Variants in JPH3 observed in about 807,000 individuals in gnomAD.
JPH3 encodes the protein junctophilin 3.
JPH3 carries 11 observed loss-of-function variants against 59.6 expected under a neutral mutation model. The observed-to-expected ratio is 0.18, with a 90% CI of 0.12 to 0.31. The LOEUF (loss-of-function observed/expected upper bound fraction) is 0.31, where lower values mean the gene tolerates loss of function less well. Among genes scored for constraint, JPH3 ranks in the 10% least tolerant of loss-of-function variants. JPH3 has a pLI of 1.00. For synonymous variants in JPH3, 673 were observed against 483.6 expected, an observed-to-expected ratio of 1.39 and a Z score of -5.14; for missense variants, 1,202 against 1,105.7, an observed-to-expected ratio of 1.09 and a Z score of -1.24.
rs1411468082 is a variant in JPH3 at position 87,684,129 on chromosome 16, C to A, written c.1161-13C>A. 1.2e-6 allele frequency: 2 copies of A among 1,612,318 alleles called. No individual in the cohort carries two copies. The highest frequency in any genetic ancestry group is 3.3e-5 in the Admixed American group (2 of 59,972). Reference sequence around the variant, plus strand: ...CCCCTGCCCCCCCTCACGCTCCTCCCTGTCTCCCCCAGGACCTCCCACTCT... The same window carrying A: ...CCCCTGCCCCCCCTCACGCTCCTCCATGTCTCCCCCAGGACCTCCCACTCT... On this transcript the variant is annotated splice_polypyrimidine_tract_variant and intron_variant, in intron 2 of 4. Coordinates refer to ENST00000284262, the MANE Select transcript of JPH3 (RefSeq NM_020655.4).
chr16:87,611,560 C>T lies in JPH3; in HGVS notation c.382+8032C>T, dbSNP rs1052739798. 2.0e-5 allele frequency among the ~76,000 whole-genome samples: 3 copies of T among 152,120 alleles called. No individual in the cohort carries two copies. The highest frequency in any genetic ancestry group is 4.4e-5 in the Non-Finnish European group (3 of 68,018). On this transcript the variant is annotated intron_variant, in intron 1 of 4. Coordinates refer to ENST00000284262, the MANE Select transcript of JPH3 (RefSeq NM_020655.4). The surrounding 1 kb of genome is among the most constrained non-coding windows in gnomAD (Gnocchi z 4.5). ...TGGACCCAGGGAAGGCTCGCTGGTG[C>T]AAATGCTTTCCAAAAACACCGAGAG...
chr16:87,633,290 G>A lies in JPH3; in HGVS notation c.383-10968G>A, dbSNP rs2031622936. Reference sequence around the variant, plus strand: ...CAGGCCTATTGGATGAGGACCCCCAGTGCCTTCATTTTTAACTCAGCCACC... The same window carrying A: ...CAGGCCTATTGGATGAGGACCCCCAATGCCTTCATTTTTAACTCAGCCACC... On this transcript the variant is annotated intron_variant, in intron 1 of 4. Coordinates refer to ENST00000284262, the MANE Select transcript of JPH3 (RefSeq NM_020655.4). Among the ~76,000 whole-genome samples the A allele has an allele frequency of 7.4e-5, 11 of 149,544 alleles. No homozygotes were observed. In the South Asian group the frequency reaches 2.1e-3, roughly 29 times the overall value.
chr16:87,641,839 C>G (rs1207496654), intron 1 of JPH3, among the ~76,000 whole-genome samples: 1 of 152,264 alleles, frequency 6.6e-6, no homozygotes, highest in Non-Finnish European at 1.5e-5. Context: ...ACACAAGTCC[C>G]TCTGGGGGCT....
chr16:87,616,847 G>A (rs1049283796), intron 1 of JPH3, among the ~76,000 whole-genome samples: 4 of 152,192 alleles, frequency 2.6e-5, no homozygotes, highest in African/African-American at 4.8e-5. Context: ...CTCTGTAAAC[G>A]GAAAAGTACA....
intron 1 of JPH3, among the ~76,000 whole-genome samples, chr16:87,624,999 A>G (rs931862599): frequency 6.6e-5 from 10 of 152,154 alleles, no homozygotes; most frequent in Non-Finnish European, 1.2e-4. Context: ...GGGTATCAAC[A>G]TGTTGGCCAG....
chr16:87,660,152 G>A (rs983108257), intron 2 of JPH3, among the ~76,000 whole-genome samples: 3 of 152,184 alleles, frequency 2.0e-5, no homozygotes, highest in Non-Finnish European at 4.4e-5. Flanking sequence ...CTCCGAGCCT[G>A]GGGAGAGACG....
At chr16:87,625,191 G>A (rs1340415620) in intron 1 of JPH3, among the ~76,000 whole-genome samples, 1 of 152,252 alleles carries the variant, frequency 6.6e-6, no homozygotes, top group Admixed American at 6.5e-5. Flanking sequence ...TGGAAGCTGA[G>A]AAGTCTTTTC....
intron 2 of JPH3, among the ~76,000 whole-genome samples, chr16:87,664,253 C>A (rs2032792550): frequency 6.6e-6 from 1 of 150,480 alleles, no homozygotes; most frequent in Admixed American, 6.6e-5. Flanking sequence ...ATGGCGTGAA[C>A]CCGGGAGGCG....
At chr16:87,677,111 A>G (rs2033160368) in intron 2 of JPH3, among the ~76,000 whole-genome samples, 1 of 151,110 alleles carries the variant, frequency 6.6e-6, no homozygotes, top group African/African-American at 2.5e-5. Flanking sequence ...GTGAGCTGAG[A>G]TCGTGCCACT....
At chr16:87,671,864 G>T (rs1051114938) in intron 2 of JPH3, among the ~76,000 whole-genome samples, 1 of 152,350 alleles carries the variant, frequency 6.6e-6, no homozygotes, top group Non-Finnish European at 1.5e-5. Flanking sequence ...TTGAAGATCG[G>T]TTTTCAGCAG....
chr16:87,633,204 G>C (rs7198741), intron 1 of JPH3, among the ~76,000 whole-genome samples: 13,851 of 152,118 alleles, frequency 0.091, 1,846 homozygotes, highest in African/African-American at 0.3. Flanking sequence ...AGAGTTGATT[G>C]TTCTTTGTTT....
intron 1 of JPH3, among the ~76,000 whole-genome samples, chr16:87,619,315 G>GAAA (rs547047794): frequency 5.0e-5 from 7 of 140,610 alleles, no homozygotes; most frequent in Admixed American, 7.1e-5. Flanking sequence ...CCTGTCTTAA[G>GAAA]AAAAAAAAAA....
intron 2 of JPH3, among the ~76,000 whole-genome samples, chr16:87,681,428 C>T (rs1433017713): frequency 3.8e-5 from 5 of 133,084 alleles, no homozygotes; most frequent in African/African-American, 8.7e-5. Flanking sequence ...AGGTCAGGTG[C>T]GCGCGGTGGT....
At position 87,644,382 on chromosome 16, in the gene JPH3, C is replaced by T. The variant is rs35224773; in HGVS notation, c.507C>T (p.Ser169=). Residue 169 remains serine (S), a synonymous_variant, in exon 2 of 5, where the codon AGC becomes AGT. Transcript: ENST00000284262. ...GGACGTCCATCAACTCCCTGCGCAGCGAGCACACCAACGGCACGGCGCTGC... is the reference window on the plus strand; with the variant it reads ...GGACGTCCATCAACTCCCTGCGCAGTGAGCACACCAACGGCACGGCGCTGC... ...PLRTSINSLR[S]EHTNGTALHP... 2.3e-3 allele frequency: 3,653 copies of T among 1,612,880 alleles called. 5 individuals carry two copies. The highest frequency in any genetic ancestry group is 2.8e-3 in the Non-Finnish European group (3,315 of 1,179,884).
At chr16:87,661,284 C>T (rs960239321) in intron 2 of JPH3, among the ~76,000 whole-genome samples, 8 of 152,236 alleles carry the variant, frequency 5.3e-5, no homozygotes, top group Admixed American at 3.3e-4. Context: ...TCATCTCTCT[C>T]TTTCCTGATC....
intron 2 of JPH3, among the ~76,000 whole-genome samples, chr16:87,670,477 G>A (rs962149830): frequency 6.6e-6 from 1 of 152,188 alleles, no homozygotes; most frequent in East Asian, 1.9e-4. Flanking sequence ...CCAAGCAGTG[G>A]ACTGCGGGAC....
intron 4 of JPH3, chr16:87,695,108 C>A (rs1323152397): frequency 2.8e-6 from 1 of 356,828 alleles, no homozygotes; most frequent in Non-Finnish European, 5.5e-6. Context: ...CTCATCAATT[C>A]TCTTCCAGTC....
At chr16:87,670,468 C>G (rs2032986380) in intron 2 of JPH3, among the ~76,000 whole-genome samples, 1 of 152,192 alleles carries the variant, frequency 6.6e-6, no homozygotes, top group East Asian at 1.9e-4. Context: ...CACCAGGATC[C>G]AAGCAGTGGA....
chr16:87,670,556 C>G (rs1339140470), intron 2 of JPH3, among the ~76,000 whole-genome samples: 1 of 152,260 alleles, frequency 6.6e-6, no homozygotes, highest in South Asian at 2.1e-4. Context: ...TCCTTCCAAG[C>G]CCATGCCTGG....
Sources: allele counts gnomAD v4.1 joint callset (sites outside exome capture counted in the v4.1 genomes callset), GRCh38; gene constraint gnomAD v4.1.1; non-coding constraint Gnocchi (gnomAD v3.1); transcripts MANE v1.5; gene names NCBI Gene and HGNC (gene_info 2026-07-23, HGNC 2026-07-21).